Variants in TRIM17 observed in about 807,000 individuals in gnomAD.
TRIM17 encodes the protein E3 ubiquitin-protein ligase TRIM17.
Under a neutral mutation model 35.8 loss-of-function variants are expected in TRIM17, and 27 were observed. The ratio of observed to expected loss-of-function variants is 0.75; its 90% CI spans 0.56 to 1.04. The LOEUF (loss-of-function observed/expected upper bound fraction) is 1.04. TRIM17 is among the 50% of genes least tolerant of loss of function. The pLI, the probability that TRIM17 is intolerant of heterozygous loss-of-function variation, is 0.00. For synonymous variants in TRIM17, 246 were observed against 252.6 expected (o/e 0.97, Z 0.25); for missense variants, 582 against 612.8 (o/e 0.95, Z 0.53).
Position 228,416,782 on chromosome 1 carries a change from T to C in TRIM17, c.-285A>G, listed in dbSNP as rs1391479005. 1 of 913,862 alleles carries C rather than the reference T, an allele frequency of 1.1e-6. No individual in the cohort carries two copies. Among genetic ancestry groups the C allele is most frequent in the Non-Finnish European group, 1.2e-6 (1 of 800,924 alleles). 56.6% of individuals were successfully genotyped at this position (913,862 alleles called of 1,614,324 possible). ...TGGGGCGGCGCCTCTTAGGAGAGGT[T>C]GGGGGTGGCTTGGGGAAGGAAGGCG... On this transcript the variant is annotated 5_prime_UTR_variant, in exon 1 of 7. Coordinates refer to ENST00000366698, the MANE Select transcript of TRIM17 (RefSeq NM_016102.4).
chr1:228,409,100 A>G, intron 6 of TRIM17, 72 bp downstream of exon 6: 1 of 1,613,766 alleles, frequency 6.2e-7, no homozygotes, highest in Non-Finnish European at 8.5e-7. Flanking sequence ...GTGGCTTCCG[A>G]GGCTAGGGGG....
chr1:228,408,802 G>T lies in TRIM17; in HGVS notation c.884-51C>A, dbSNP rs1656605348. ...GATGGGGAGAGGTGTGGGGCATTCA[G>T]GGTCAAAGGTGGGAGTCCCCGGGCC... is the stretch of plus-strand genomic sequence containing the variant. On this transcript the variant is annotated intron_variant, in intron 6 of 6. Coordinates refer to ENST00000366698, the MANE Select transcript of TRIM17 (RefSeq NM_016102.4). This position sits in a 1 kb window ranked among gnomAD's most constrained non-coding sequence, Gnocchi z 6.3. The T allele has an allele frequency of 6.4e-7, 1 of 1,563,652 alleles. No homozygotes were observed. The highest frequency in any genetic ancestry group is 1.2e-5 in the South Asian group (1 of 85,378).
At position 228,408,056 on chromosome 1, in the gene TRIM17, T is replaced by G; in HGVS notation, c.*145A>C. 1.4e-6 allele frequency: 1 copy of G among 721,684 alleles called. No individual in the cohort carries two copies. Among genetic ancestry groups the G allele is most frequent in the Non-Finnish European group, 2.2e-6 (1 of 456,592 alleles). The allele number at this position is 721,684 out of a possible 1,614,324, so 44.7% of individuals were successfully genotyped here. A position where few individuals can be genotyped will look rare whatever the true frequency, so the allele number is the denominator to read the frequency against. On this transcript the variant is annotated 3_prime_UTR_variant, in exon 7 of 7. Transcript: ENST00000366698. This position sits in a 1 kb window ranked among gnomAD's most constrained non-coding sequence, Gnocchi z 6.3. ...TAATGTTTGACAGTTCTAATCACAA[T>G]TATATTTAGAATTTGAGAAACCCCC...
In TRIM17 at chr1:228,413,818, C is replaced by T. The variant is rs1362522378; in HGVS notation, c.504G>A (p.Glu168=). The T allele has an allele frequency of 6.2e-6, 10 of 1,614,198 alleles. No homozygotes were observed. Among genetic ancestry groups the T allele is most frequent in the African/African-American group, 2.7e-5 (2 of 75,070 alleles). ...CCACCTGCCACTCGGCTAAGCTCTG[C>T]TCCTCCCTGGCCTGCAGATTCCCTG... is the stretch of plus-strand genomic sequence containing the variant. ...TRTGNLQARE[E]QSLAEWQGKV... The change falls in exon 3 of 7, where the codon GAG becomes GAA. Residue 168 remains glutamate, a synonymous_variant. Transcript: ENST00000366698.
At position 228,416,661 on chromosome 1, in the gene TRIM17, G is replaced by A; in HGVS notation, c.-164C>T. 1 of 985,214 alleles carries A rather than the reference G, an allele frequency of 1.0e-6. No individual in the cohort carries two copies. The highest frequency in any genetic ancestry group is 1.2e-6 in the Non-Finnish European group (1 of 829,890). The allele number at this position is 985,214 out of a possible 1,614,324, so 61.0% of individuals were successfully genotyped here. ...GGCCCGGCCCGGGGCGTGGGGACCT[G>A]GGGTCGGGAGGCCTAGGGACTTTGT... On this transcript the variant is annotated 5_prime_UTR_variant, in exon 1 of 7. Coordinates refer to ENST00000366698, the MANE Select transcript of TRIM17 (RefSeq NM_016102.4).
intron 3 of TRIM17, among the ~76,000 whole-genome samples, chr1:228,412,224 C>T (rs368371695): frequency 2.0e-5 from 3 of 152,160 alleles, no homozygotes; most frequent in East Asian, 3.9e-4. Flanking sequence ...TGGACCTGTC[C>T]CAGTGCCCGA....
chr1:228,413,234 A>T (rs1456719133), intron 3 of TRIM17, among the ~76,000 whole-genome samples: 4 of 151,466 alleles, frequency 2.6e-5, no homozygotes, highest in Non-Finnish European at 4.4e-5. Context: ...AAAAAAAATT[A>T]AAAAGTGCCC....
Position 228,408,299 on chromosome 1 carries a change from C to T in TRIM17, c.1336G>A (p.Ala446Thr). 6.2e-7 allele frequency: 1 copy of T among 1,606,882 alleles called. No individual in the cohort carries two copies. The highest frequency in any genetic ancestry group is 8.5e-7 in the Non-Finnish European group (1 of 1,175,052). Residue 446 changes from alanine (A) to threonine (T), a missense_variant, in exon 7 of 7, where the codon GCC (alanine) becomes ACC (threonine). Coordinates refer to ENST00000366698, the MANE Select transcript of TRIM17 (RefSeq NM_016102.4). This position sits in a 1 kb window ranked among gnomAD's most constrained non-coding sequence, Gnocchi z 6.3. ...DGSHLHTYSQ[A>T]TFPGPLQPFF... ...GGCTGCAGGGGGCCTGGGAAGGTGG[C>T]CTGGGAGTAGGTGTGCAGGTGGGAC...
In TRIM17 at chr1:228,408,411, C is replaced by T. The variant is rs760439479; in HGVS notation, c.1224G>A (p.Pro408=). ...GGCTGGGAGGCTCCATCAGCATGAC[C>T]GGGGTTAGGGCAGAGAAGGTGGATA... ...KYLSTFSALT[P]VMLMEPPSHM... The change falls in exon 7 of 7, where the codon CCG becomes CCA. Residue 408 remains proline, a synonymous_variant. Coordinates refer to ENST00000366698, the MANE Select transcript of TRIM17 (RefSeq NM_016102.4). The surrounding 1 kb of genome is among the most constrained non-coding windows in gnomAD (Gnocchi z 6.3). 8.1e-6 allele frequency: 13 copies of T among 1,614,172 alleles called. No homozygotes were observed. Among genetic ancestry groups the T allele is most frequent in the African/African-American group, 1.3e-5 (1 of 75,044 alleles).
rs949247241 is a variant in TRIM17 at position 228,410,372 on chromosome 1, C to T, written c.756+574G>A. Among the ~76,000 whole-genome samples the T allele has an allele frequency of 2.6e-5, 4 of 152,098 alleles. No homozygotes were observed. The highest frequency in any genetic ancestry group is 2.6e-4 in the Admixed American group (4 of 15,284). ...CAGACAGGCTGGCTGCTTCACCTCC[C>T]CACTGCCGTTGCCACACAACTCACT... On this transcript the variant is annotated intron_variant, in intron 4 of 6. Coordinates refer to ENST00000366698, the MANE Select transcript of TRIM17 (RefSeq NM_016102.4). This position sits in a 1 kb window ranked among gnomAD's most constrained non-coding sequence, Gnocchi z 4.6.
intron 1 of TRIM17, chr1:228,415,903 G>A (rs1657096102): frequency 6.6e-6 from 1 of 152,314 alleles, no homozygotes; most frequent in African/African-American, 2.4e-5. Flanking sequence ...AGGCACAGAT[G>A]CACATATCGG....
At chr1:228,409,807 G>C in intron 4 of TRIM17, 1 of 160,420 alleles carries the variant, frequency 6.2e-6, no homozygotes, top group Non-Finnish European at 1.3e-5. Flanking sequence ...AGGGGGGTGG[G>C]TAAGAGACTG....
chr1:228,413,544 AT>A (rs1199217064), intron 3 of TRIM17, among the ~76,000 whole-genome samples: 1 of 151,906 alleles, frequency 6.6e-6, no homozygotes, highest in Non-Finnish European at 1.5e-5. Context: ...TTTGAGTCTG[AT>A]TTTTGAGGCC....
rs1201127353 is a variant in TRIM17 at position 228,410,818 on chromosome 1, C to T, written c.756+128G>A. 3 of 696,120 alleles carry T rather than the reference C, an allele frequency of 4.3e-6. No individual in the cohort carries two copies. The highest frequency in any genetic ancestry group is 3.0e-5 in the Admixed American group (1 of 33,280). 43.1% of individuals were successfully genotyped at this position (696,120 alleles called of 1,614,324 possible). A position where few individuals can be genotyped will look rare whatever the true frequency, so the allele number is the denominator to read the frequency against. On this transcript the variant is annotated intron_variant, in intron 4 of 6. Coordinates refer to ENST00000366698, the MANE Select transcript of TRIM17 (RefSeq NM_016102.4). The surrounding 1 kb of genome is among the most constrained non-coding windows in gnomAD (Gnocchi z 4.6). ...CGCACCTTGGCCTCAGCCACCCAGC[C>T]TCCAGGACTAGCAGACTGGGAGCTA...
chr1:228,409,865 TA>T (rs2149103079), intron 4 of TRIM17, among the ~76,000 whole-genome samples: 1 of 152,178 alleles, frequency 6.6e-6, no homozygotes, highest in African/African-American at 2.4e-5. Context: ...CAGAGTTCCC[TA>T]AAGAGATCAC....
chr1:228,409,265 CGTT>C lies in TRIM17; in HGVS notation c.787_789del (p.Asn263del), dbSNP rs1656641652. The stretch of plus-strand genomic sequence containing the variant: ...GCAACCTCTGGGCACTGCACACTCA[CGTT>C]GTTCTTCCTCCGGTGGGCACACACA... On this transcript the variant is annotated inframe_deletion, in exon 6 of 7. Transcript: ENST00000366698. 6.2e-7 allele frequency: 1 copy of C among 1,613,632 alleles called. No individual in the cohort carries two copies. The highest frequency in any genetic ancestry group is 8.5e-7 in the Non-Finnish European group (1 of 1,179,712).
intron 3 of TRIM17, among the ~76,000 whole-genome samples, chr1:228,412,394 C>T (rs1656829393): frequency 6.6e-6 from 1 of 151,992 alleles, no homozygotes; most frequent in African/African-American, 2.4e-5. Flanking sequence ...ATAAAGACTC[C>T]CAAGCTGTAT....
rs1222862609 is a variant in TRIM17 at position 228,410,612 on chromosome 1, T to C, written c.756+334A>G. Among the ~76,000 whole-genome samples, 2 of 152,172 alleles carry C rather than the reference T, an allele frequency of 1.3e-5. No homozygotes were observed. Among genetic ancestry groups the C allele is most frequent in the African/African-American group, 2.4e-5 (1 of 41,440 alleles). On this transcript the variant is annotated intron_variant, in intron 4 of 6. Transcript: ENST00000366698. The surrounding 1 kb of genome is among the most constrained non-coding windows in gnomAD (Gnocchi z 4.6). The stretch of plus-strand genomic sequence containing the variant: ...CTCAGAATGTGACTGTGTTTGGAGA[T>C]AGCATCTTTAAGGAGGGAGTTGAGG...
In TRIM17 at chr1:228,416,775, G is replaced by A; in HGVS notation, c.-278C>T. Reference sequence around the variant, plus strand: ...CCGGGACTGGGGCGGCGCCTCTTAGGAGAGGTTGGGGGTGGCTTGGGGAAG... The same window carrying A: ...CCGGGACTGGGGCGGCGCCTCTTAGAAGAGGTTGGGGGTGGCTTGGGGAAG... On this transcript the variant is annotated 5_prime_UTR_variant, in exon 1 of 7. Coordinates refer to ENST00000366698, the MANE Select transcript of TRIM17 (RefSeq NM_016102.4). 1.0e-6 allele frequency: 1 copy of A among 984,436 alleles called. No individual in the cohort carries two copies. Among genetic ancestry groups the A allele is most frequent in the Non-Finnish European group, 1.2e-6 (1 of 829,536 alleles). 61.0% of individuals were successfully genotyped at this position (984,436 alleles called of 1,614,324 possible).
Sources: gnomAD v4.1 joint callset for allele counts (sites outside exome capture counted in the v4.1 genomes callset) on GRCh38, gnomAD v4.1.1 for gene constraint, Gnocchi (gnomAD v3.1) non-coding constraint, MANE v1.5 for transcripts, NCBI Gene and HGNC (gene_info 2026-07-23, HGNC 2026-07-21) for gene names.